PYGO1: variants seen among roughly 807,000 people sequenced by gnomAD.
PYGO1 encodes pygopus homolog 1.
A neutral mutation model predicts 29.5 loss-of-function variants in PYGO1; 6 were observed. The ratio of observed to expected loss-of-function variants is 0.20; its 90% CI spans 0.11 to 0.40. The LOEUF is 0.40. PYGO1 is among the 10% of genes least tolerant of loss of function. The probability of loss-of-function intolerance (pLI) is 1.00; values close to 1 mark genes in which losing one functional copy is unlikely to be tolerated. For missense variants in PYGO1, 515 were observed against 514.9 expected (o/e 1.00, Z 0.00); for synonymous variants, 186 against 180.5 (o/e 1.03, Z -0.24).
At chr15:55,572,322 A>C (rs747485987) in intron 1 of PYGO1, among the ~76,000 whole-genome samples, 2 of 152,228 alleles carry the variant, frequency 1.3e-5, no homozygotes, top group Non-Finnish European at 2.9e-5. Flanking sequence ...CCCTCCAACA[A>C]ATGGTGCTGG....
At chr15:55,582,203 T>A (rs1255877543) in intron 1 of PYGO1, among the ~76,000 whole-genome samples, 3 of 17,988 alleles carry the variant, frequency 1.7e-4, no homozygotes, top group South Asian at 3.3e-3. Flanking sequence ...CAAGGCTCCA[T>A]CTCAAAAAAA....
chr15:55,554,172 T>C (rs1319075787), intron 1 of PYGO1, among the ~76,000 whole-genome samples: 3 of 152,130 alleles, frequency 2.0e-5, no homozygotes, highest in African/African-American at 7.2e-5. Context: ...GGCACTGAAC[T>C]GGGCTGAGGC....
upstream of PYGO1, chr15:55,588,919 C>T: frequency 7.1e-7 from 1 of 1,416,088 alleles, no homozygotes; most frequent in Non-Finnish European, 1.0e-6. Flanking sequence ...CTGTAGAATG[C>T]CTCCACTTGG....
intron 1 of PYGO1, among the ~76,000 whole-genome samples, chr15:55,558,598 C>A (rs1371975410): frequency 6.6e-6 from 1 of 151,968 alleles, no homozygotes; most frequent in Non-Finnish European, 1.5e-5. Context: ...CTTCAAACTA[C>A]ACTACAAGGC....
At chr15:55,572,829 G>A (rs1424651705) in intron 1 of PYGO1, among the ~76,000 whole-genome samples, 1 of 151,732 alleles carries the variant, frequency 6.6e-6, no homozygotes, top group African/African-American at 2.4e-5. Context: ...AAACCACAAT[G>A]AGAAATAACC....
At chr15:55,552,487 C>T (rs1413803571) in intron 1 of PYGO1, among the ~76,000 whole-genome samples, 2 of 151,764 alleles carry the variant, frequency 1.3e-5, no homozygotes, top group Non-Finnish European at 2.9e-5. Context: ...ATGGGACTGA[C>T]CAAGTGAACA....
intron 1 of PYGO1, among the ~76,000 whole-genome samples, chr15:55,586,920 C>T (rs2059049109): frequency 6.6e-6 from 1 of 152,162 alleles, no homozygotes; most frequent in Non-Finnish European, 1.5e-5. Flanking sequence ...TTTGTTTATC[C>T]CACAAGAGGG....
chr15:55,581,348 G>C (rs2059024138), intron 1 of PYGO1, among the ~76,000 whole-genome samples: 1 of 152,156 alleles, frequency 6.6e-6, no homozygotes, highest in Admixed American at 6.5e-5. Flanking sequence ...CAGAACTGGA[G>C]CATAAGAAAT....
chr15:55,587,057 C>T (rs2059049910), intron 1 of PYGO1, among the ~76,000 whole-genome samples: 1 of 152,178 alleles, frequency 6.6e-6, no homozygotes, highest in African/African-American at 2.4e-5. Context: ...AGTACTACTC[C>T]AACTCTAGAA....
intron 1 of PYGO1, among the ~76,000 whole-genome samples, chr15:55,568,240 T>C (rs1251740689): frequency 6.6e-6 from 1 of 152,144 alleles, no homozygotes; most frequent in East Asian, 1.9e-4. Flanking sequence ...TTGTGTCATC[T>C]ATGATTTATT....
At chr15:55,565,411 A>G (rs2058951265) in intron 1 of PYGO1, among the ~76,000 whole-genome samples, 2 of 152,168 alleles carry the variant, frequency 1.3e-5, no homozygotes, top group East Asian at 1.9e-4. Context: ...TTTAAAAATC[A>G]TATGTATTTT....
chr15:55,578,381 G>A lies in PYGO1; in HGVS notation c.49+9454C>T, dbSNP rs2059012749. ...AATCCTCTTGAGTATCTATCTAGAG[G>A]TGGAATCACTGGGTCACATAGCAAT... is the stretch of plus-strand genomic sequence containing the variant. On this transcript the variant is annotated intron_variant, in intron 1 of 2. Coordinates refer to ENST00000563719, the MANE Select transcript of PYGO1 (RefSeq NM_001367806.1). Among the ~76,000 whole-genome samples the A allele has an allele frequency of 2.0e-5, 3 of 152,094 alleles. 1 individual carries two copies. The East Asian group carries it at 5.8e-4, about 29-fold the overall frequency.
Position 55,575,325 on chromosome 15 carries a change from T to G in PYGO1, c.49+12510A>C, listed in dbSNP as rs1403180934. 2.0e-5 allele frequency among the ~76,000 whole-genome samples: 3 copies of G among 152,176 alleles called. No homozygotes were observed. The East Asian group carries it at 5.8e-4, about 29-fold the overall frequency. Reference sequence around the variant, plus strand: ...CCTCAGGTAATACAGATACTGGTGGTCCATCAACCACACACTGAGTAGCAA... The same window carrying G: ...CCTCAGGTAATACAGATACTGGTGGGCCATCAACCACACACTGAGTAGCAA... On this transcript the variant is annotated intron_variant, in intron 1 of 2. Coordinates refer to ENST00000563719, the MANE Select transcript of PYGO1 (RefSeq NM_001367806.1).
intron 1 of PYGO1, among the ~76,000 whole-genome samples, chr15:55,569,319 G>A (rs918483012): frequency 6.6e-6 from 1 of 151,712 alleles, no homozygotes; most frequent in Non-Finnish European, 1.5e-5. Context: ...CATTTCTTCT[G>A]CTAGCCTTGA....
chr15:55,587,989 A>AGCCTCGGAGCCGAGGCAC lies in PYGO1; in HGVS notation c.-124_-107dup, dbSNP rs2059056597. 1 of 1,389,908 alleles carries AGCCTCGGAGCCGAGGCAC rather than the reference A, an allele frequency of 7.2e-7. No homozygotes were observed. Among genetic ancestry groups the AGCCTCGGAGCCGAGGCAC allele is most frequent in the African/African-American group, 1.5e-5 (1 of 66,420 alleles). 86.1% of individuals were successfully genotyped at this position (1,389,908 alleles called of 1,614,324 possible). A position where few individuals can be genotyped will look rare whatever the true frequency, so the allele number is the denominator to read the frequency against. On this transcript the variant is annotated 5_prime_UTR_variant, in exon 1 of 3. Coordinates refer to ENST00000563719, the MANE Select transcript of PYGO1 (RefSeq NM_001367806.1). ...GCGGGGCCGCTGCGGCTGCGAGGCA[A>AGCCTCGGAGCCGAGGCAC]GCCTCGGAGCCGAGGCACGGCCGAG...
At chr15:55,576,129 A>G (rs1384445234) in intron 1 of PYGO1, among the ~76,000 whole-genome samples, 1 of 152,212 alleles carries the variant, frequency 6.6e-6, no homozygotes, top group Non-Finnish European at 1.5e-5. Flanking sequence ...TATCATTACT[A>G]TTAACATCAA....
In PYGO1 at chr15:55,543,291, A is replaced by C. The variant is rs776587988; in HGVS notation, c.*2732T>G. ...TGGCTATTCTTACAGTTCATCACTT[A>C]TTCCATCCAAAAGCATCTATATAAC... On this transcript the variant is annotated 3_prime_UTR_variant, in exon 3 of 3. Coordinates refer to ENST00000563719, the MANE Select transcript of PYGO1 (RefSeq NM_001367806.1). The C allele has an allele frequency of 6.6e-6, 1 of 152,208 alleles. No homozygotes were observed. Among genetic ancestry groups the C allele is most frequent in the African/African-American group, 2.4e-5 (1 of 41,442 alleles). 9.4% of individuals were successfully genotyped at this position (152,208 alleles called of 1,614,324 possible).
Position 55,554,468 on chromosome 15 carries a change from C to CAAAAAAAAAAAAAAAAAA in PYGO1, c.50-5491_50-5474dup, listed in dbSNP as rs56216226. ...TGGGTGACAGAGCAAGACTCTGTCT[C>CAAAAAAAAAAAAAAAAAA]AAAAAAAAAAAAAAAAAAAAAAAAA... On this transcript the variant is annotated intron_variant, in intron 1 of 2. Coordinates refer to ENST00000563719, the MANE Select transcript of PYGO1 (RefSeq NM_001367806.1). Among the ~76,000 whole-genome samples the CAAAAAAAAAAAAAAAAAA allele has an allele frequency of 7.0e-4, 86 of 122,894 alleles. 1 individual carries two copies. Among genetic ancestry groups the CAAAAAAAAAAAAAAAAAA allele is most frequent in the East Asian group, 9.6e-4 (3 of 3,122 alleles). The allele number at this position is 122,894 out of a possible 152,430, so 80.6% of individuals were successfully genotyped here.
intron 1 of PYGO1, among the ~76,000 whole-genome samples, chr15:55,556,304 C>T (rs2141654316): frequency 6.6e-6 from 1 of 152,298 alleles, no homozygotes; most frequent in Admixed American, 6.5e-5. Context: ...AACAGTCTCT[C>T]ACACCACAGC....
Sources: allele counts gnomAD v4.1 joint callset (sites outside exome capture counted in the v4.1 genomes callset), GRCh38; gene constraint gnomAD v4.1.1; transcripts MANE v1.5; gene names NCBI Gene and HGNC (gene_info 2026-07-23, HGNC 2026-07-21).